Variants in CSMD1 observed in about 807,000 individuals in gnomAD.
The protein encoded by CSMD1 is CUB and Sushi multiple domains 1, also known as CUB and sushi domain-containing protein 1.
A neutral mutation model predicts 417.5 loss-of-function variants in CSMD1; 213 were observed. The ratio of observed to expected loss-of-function variants is 0.51; its 90% CI spans 0.46 to 0.57. The LOEUF is 0.57. CSMD1 is among the 20% of genes least tolerant of loss of function. The pLI is 0.00. For synonymous variants in CSMD1, 2,862 were observed against 1,736.8 expected, an observed-to-expected ratio of 1.65 and a Z score of -16.11; for missense variants, 6,923 against 4,529.7, an observed-to-expected ratio of 1.53 and a Z score of -15.17.
chr8:4,752,752 G>T (rs545611572), intron 1 of CSMD1, among the ~76,000 whole-genome samples: 20 of 152,258 alleles, frequency 1.3e-4, no homozygotes, highest in Admixed American at 1.3e-3. Flanking sequence ...TTTGCTCCGT[G>T]GAAGGACAAA....
chr8:4,229,064 C>G (rs185516251), intron 3 of CSMD1, among the ~76,000 whole-genome samples: 1 of 152,338 alleles, frequency 6.6e-6, no homozygotes, highest in African/African-American at 2.4e-5. Context: ...TCAGACTAAG[C>G]TTTCCCAAAC....
chr8:4,931,858 A>C (rs929612745), intron 1 of CSMD1, among the ~76,000 whole-genome samples: 8 of 152,208 alleles, frequency 5.3e-5, no homozygotes, highest in African/African-American at 1.9e-4. Flanking sequence ...GGGGATTTTC[A>C]AAACTTCAAA....
At chr8:4,239,698 G>A (rs566510190) in intron 3 of CSMD1, among the ~76,000 whole-genome samples, 3 of 152,284 alleles carry the variant, frequency 2.0e-5, no homozygotes, top group East Asian at 1.9e-4. Flanking sequence ...ATCGCATTAT[G>A]TTGTTTTGGG....
At chr8:4,022,406 T>A (rs543732761) in intron 4 of CSMD1, among the ~76,000 whole-genome samples, 2 of 152,128 alleles carry the variant, frequency 1.3e-5, no homozygotes, top group Non-Finnish European at 2.9e-5. Flanking sequence ...ATATTTTCTA[T>A]GTACAGTTTG....
At chr8:3,429,127 G>A (rs1814045951) in intron 12 of CSMD1, among the ~76,000 whole-genome samples, 1 of 152,040 alleles carries the variant, frequency 6.6e-6, no homozygotes, top group African/African-American at 2.4e-5. Flanking sequence ...TGTACAGAAG[G>A]GTGATTACAC....
intron 1 of CSMD1, among the ~76,000 whole-genome samples, chr8:4,941,104 G>C (rs1807967475): frequency 6.6e-6 from 1 of 152,092 alleles, no homozygotes; most frequent in African/African-American, 2.4e-5. Flanking sequence ...GAATTTTGGA[G>C]TTTGTCTTTC....
intron 3 of CSMD1, among the ~76,000 whole-genome samples, chr8:4,292,159 G>C (rs896745567): frequency 1.3e-5 from 2 of 152,168 alleles, no homozygotes; most frequent in Non-Finnish European, 2.9e-5. Flanking sequence ...ACCCAGGTGA[G>C]CCCGGTCATA....
chr8:4,074,750 C>G (rs1046675202), intron 3 of CSMD1, among the ~76,000 whole-genome samples: 1 of 146,706 alleles, frequency 6.8e-6, no homozygotes, highest in Admixed American at 6.8e-5. Flanking sequence ...AAGAAACAAA[C>G]AAAAAAAAAA....
At chr8:3,934,281 A>G (rs1810340880) in intron 5 of CSMD1, among the ~76,000 whole-genome samples, 1 of 152,192 alleles carries the variant, frequency 6.6e-6, no homozygotes, top group South Asian at 2.1e-4. Context: ...CATCAATTTA[A>G]TCTGAACCAA....
At chr8:4,847,832 T>G (rs1232218294) in intron 1 of CSMD1, among the ~76,000 whole-genome samples, 1 of 152,010 alleles carries the variant, frequency 6.6e-6, no homozygotes, top group Non-Finnish European at 1.5e-5. Context: ...ATATACCTAT[T>G]TAAAGTATAA....
intron 30 of CSMD1, among the ~76,000 whole-genome samples, chr8:3,206,455 G>A (rs544872119): frequency 2.9e-5 from 1 of 33,932 alleles, no homozygotes. Flanking sequence ...GTGTGTATGT[G>A]TGTGTGGGGG....
At chr8:4,199,915 G>A (rs533018842) in intron 3 of CSMD1, among the ~76,000 whole-genome samples, 1 of 152,082 alleles carries the variant, frequency 6.6e-6, no homozygotes, top group Non-Finnish European at 1.5e-5. Flanking sequence ...TACATTTTGT[G>A]GTGAAGTACG....
chr8:4,984,831 C>A (rs1440652560), intron 1 of CSMD1, among the ~76,000 whole-genome samples: 6 of 152,160 alleles, frequency 3.9e-5, no homozygotes, highest in African/African-American at 1.4e-4. Flanking sequence ...CCTGTTCTAA[C>A]TGGAATAGTA....
intron 5 of CSMD1, among the ~76,000 whole-genome samples, chr8:3,969,701 C>G (rs541618770): frequency 6.6e-6 from 1 of 152,106 alleles, no homozygotes; most frequent in Non-Finnish European, 1.5e-5. Context: ...GGTTCACACA[C>G]CAAAGGATGA....
At chr8:4,120,812 G>C (rs1181740217) in intron 3 of CSMD1, among the ~76,000 whole-genome samples, 2 of 152,154 alleles carry the variant, frequency 1.3e-5, no homozygotes, top group Non-Finnish European at 1.5e-5. Flanking sequence ...CTCATGACAT[G>C]CCAGAAATCA....
At chr8:4,092,742 T>A (rs1415201253) in intron 3 of CSMD1, among the ~76,000 whole-genome samples, 1 of 152,170 alleles carries the variant, frequency 6.6e-6, no homozygotes, top group Non-Finnish European at 1.5e-5. Context: ...ACTTCCACAT[T>A]TTCTTTAAAT....
chr8:3,588,678 A>C (rs1045415922), intron 8 of CSMD1, among the ~76,000 whole-genome samples: 2 of 152,122 alleles, frequency 1.3e-5, no homozygotes, highest in African/African-American at 4.8e-5. Context: ...AAAAACAATC[A>C]ATAAGCCTAA....
chr8:3,719,129 T>A (rs1321751180), intron 6 of CSMD1, among the ~76,000 whole-genome samples: 1 of 152,198 alleles, frequency 6.6e-6, no homozygotes, highest in Non-Finnish European at 1.5e-5. Flanking sequence ...TGTGTCCTGT[T>A]CTATTAACTC....
intron 9 of CSMD1, among the ~76,000 whole-genome samples, chr8:3,578,948 C>A (rs964459336): frequency 2.0e-5 from 3 of 152,244 alleles, no homozygotes; most frequent in African/African-American, 7.2e-5. Context: ...CGCACGTTTA[C>A]ACAAACTATA....
Sources: allele counts gnomAD v4.1 joint callset (sites outside exome capture counted in the v4.1 genomes callset), GRCh38; gene constraint gnomAD v4.1.1; transcripts MANE v1.5; gene names NCBI Gene and HGNC (gene_info 2026-07-23, HGNC 2026-07-21).